ZP3: variants seen among roughly 807,000 people sequenced by gnomAD.
The protein encoded by ZP3 is zona pellucida sperm-binding protein 3.
Under a neutral mutation model 35.6 loss-of-function variants are expected in ZP3, and 21 were observed. That is an observed-to-expected ratio of 0.59 (90% confidence interval 0.42 to 0.85). The LOEUF is 0.85. Ranked by LOEUF, ZP3 falls within the 40% of genes least tolerant of loss-of-function variation. The probability of loss-of-function intolerance (pLI) is 0.00; values close to 1 mark genes in which losing one functional copy is unlikely to be tolerated. For synonymous variants in ZP3, 207 were observed against 214.5 expected, an observed-to-expected ratio of 0.96 and a Z score of 0.31; for missense variants, 437 against 536.5, an observed-to-expected ratio of 0.81 and a Z score of 1.83.
chr7:76,439,109 A>G (rs1638137), intron 5 of ZP3, among the ~76,000 whole-genome samples: 62,898 of 117,924 alleles, frequency 0.53, 13,905 homozygotes, highest in South Asian at 0.59. Context: ...ACTCCAGCCT[A>G]GGCAACAGCA....
chr7:76,433,541 C>T lies in ZP3; in HGVS notation c.607C>T (p.His203Tyr), dbSNP rs1290732491. 2 of 1,614,030 alleles carry T rather than the reference C, an allele frequency of 1.2e-6. No homozygotes were observed. The highest frequency in any genetic ancestry group is 1.7e-6 in the Non-Finnish European group (2 of 1,180,024). Residue 203 changes from histidine (H) to tyrosine (Y), a missense_variant, in exon 4 of 8, where the codon CAC becomes TAC. By Grantham distance (83) the His-to-Tyr change is moderately conservative. Coordinates refer to ENST00000394857, the MANE Select transcript of ZP3 (RefSeq NM_001110354.2). ...GDAAHLQAEI[H>Y]TGSHVPLRLF... ...TGCAGCCCACCTCCAGGCAGAAATC[C>T]ACACTGGCAGCCACGTGCCACTGCG... is the stretch of plus-strand genomic sequence containing the variant.
intron 4 of ZP3, 116 bp from the exon 5 acceptor site, chr7:76,433,922 C>T: frequency 4.5e-6 from 3 of 665,900 alleles, no homozygotes; most frequent in South Asian, 3.8e-5. Context: ...TAGTCTCGAA[C>T]TCCTGACCTC....
chr7:76,397,721 T>C, exon 1 of ZP3: 2 of 1,613,344 alleles, frequency 1.2e-6, no homozygotes. Flanking sequence ...CACAGCGGCA[T>C]CCGGCAGCCC....
At chr7:76,405,987 T>C (rs1584034528) in intron 1 of ZP3, among the ~76,000 whole-genome samples, 1 of 143,768 alleles carries the variant, frequency 7.0e-6, no homozygotes, top group South Asian at 2.3e-4. Flanking sequence ...TCCTTTCTTT[T>C]CTTTTCTTTT....
At chr7:76,426,447 T>TG (rs1353273881) in intron 1 of ZP3, among the ~76,000 whole-genome samples, 1 of 152,170 alleles carries the variant, frequency 6.6e-6, no homozygotes, top group Non-Finnish European at 1.5e-5. Flanking sequence ...TTGCCTGGGA[T>TG]GGGGGCAAGT....
chr7:76,432,618 A>G lies in ZP3; in HGVS notation c.432-309A>G, dbSNP rs1018995679. Among the ~76,000 whole-genome samples the G allele has an allele frequency of 7.9e-5, 12 of 152,198 alleles. No homozygotes were observed. The South Asian group carries it at 1.2e-3, about 16-fold the overall frequency. ...GGCATGAGCCACCGCACTCAGGTCCAGGGCTCAAGAGGGAGCAGATCTCAG... is the reference window on the plus strand; with the variant it reads ...GGCATGAGCCACCGCACTCAGGTCCGGGGCTCAAGAGGGAGCAGATCTCAG... On this transcript the variant is annotated intron_variant, in intron 2 of 7. Transcript: ENST00000394857.
At chr7:76,405,983 CTTTT>C (rs71690243) in intron 1 of ZP3, among the ~76,000 whole-genome samples, 4,200 of 149,224 alleles carry the variant, frequency 0.028, 124 homozygotes, top group East Asian at 0.14. Flanking sequence ...CCTTTCCTTT[CTTTT>C]CTTTTCTTTT....
At chr7:76,406,890 T>A (rs903218934) in intron 1 of ZP3, among the ~76,000 whole-genome samples, 2 of 152,112 alleles carry the variant, frequency 1.3e-5, no homozygotes, top group African/African-American at 2.4e-5. Context: ...TATTTGTGTG[T>A]CATGGTAACT....
chr7:76,400,487 C>T lies in ZP3; in HGVS notation c.-67+2690C>T, dbSNP rs775186548. 24 of 1,603,852 alleles carry T rather than the reference C, an allele frequency of 1.5e-5. 1 individual carries two copies. In the South Asian group the frequency reaches 2.0e-4, roughly 13 times the overall value. ...CCCAGCTGGCGACACACTACGTTGG[C>T]GTCCACCACGTCCCAGTCGTCATCA... On this transcript the variant is annotated intron_variant, in intron 1 of 8. Transcript: ENST00000336517.
chr7:76,408,540 G>GCCC (rs2115824891), intron 1 of ZP3, among the ~76,000 whole-genome samples: 1 of 152,248 alleles, frequency 6.6e-6, no homozygotes, highest in South Asian at 2.1e-4. Context: ...CCTGGGGACA[G>GCCC]GCAACTTCCA....
intron 1 of ZP3, among the ~76,000 whole-genome samples, chr7:76,414,613 A>G (rs939591164): frequency 6.7e-6 from 1 of 150,076 alleles, no homozygotes; most frequent in African/African-American, 2.5e-5. Flanking sequence ...CATTTAGGAC[A>G]GTTAGGAAAA....
intron 1 of ZP3, among the ~76,000 whole-genome samples, chr7:76,400,062 C>T (rs2115778626): frequency 6.6e-6 from 1 of 152,298 alleles, no homozygotes; most frequent in African/African-American, 2.4e-5. Flanking sequence ...TACATAGAAG[C>T]AGTAGTGCTG....
At chr7:76,435,579 T>C (rs1221982069) in intron 5 of ZP3, among the ~76,000 whole-genome samples, 1 of 152,272 alleles carries the variant, frequency 6.6e-6, no homozygotes, top group African/African-American at 2.4e-5. Context: ...CTGGAGAGGT[T>C]GTAAAAATAC....
chr7:76,400,188 A>G, intron 1 of ZP3: 1 of 1,311,374 alleles, frequency 7.6e-7, no homozygotes, highest in East Asian at 2.8e-5. Context: ...TCTGCATGGA[A>G]CAGCCTTACC....
intron 2 of ZP3, among the ~76,000 whole-genome samples, chr7:76,430,543 G>A (rs1360750206): frequency 6.6e-6 from 1 of 152,164 alleles, no homozygotes; most frequent in African/African-American, 2.4e-5. Context: ...GGACCAGCCT[G>A]GCCAACATGG....
chr7:76,428,269 C>T (rs1239181771), intron 1 of ZP3, among the ~76,000 whole-genome samples: 4 of 151,778 alleles, frequency 2.6e-5, no homozygotes, highest in Admixed American at 6.6e-5. Context: ...TGCAGTGAGC[C>T]GAGTTCGTGC....
intron 1 of ZP3, among the ~76,000 whole-genome samples, chr7:76,412,205 AAAG>A (rs1459516851): frequency 6.6e-6 from 1 of 151,494 alleles, no homozygotes; most frequent in Non-Finnish European, 1.5e-5. Context: ...AAAAAAAAGA[AAAG>A]AAAAAGATAA....
Position 76,429,578 on chromosome 7 carries a change from C to G in ZP3, c.376C>G (p.Leu126Val). The change falls in exon 2 of 8, where the codon CTG (leucine) becomes GTG (valine). Residue 126 changes from leucine to valine, a missense_variant. Leu to Val is a conservative substitution (Grantham distance 32). Transcript: ENST00000394857. Reference sequence around the variant, plus strand: ...CCATGACCCCCGCCCCGTGGGAAACCTGTCCATCGTGAGGACTAACCGCGC... The same window carrying G: ...CCATGACCCCCGCCCCGTGGGAAACGTGTCCATCGTGAGGACTAACCGCGC... The part of the protein sequence containing the change: ...LLHDPRPVGN[L>V]SIVRTNRAEI... The G allele has an allele frequency of 3.7e-6, 6 of 1,614,132 alleles. No individual in the cohort carries two copies. The highest frequency in any genetic ancestry group is 5.1e-6 in the Non-Finnish European group (6 of 1,179,988).
intron 1 of ZP3, among the ~76,000 whole-genome samples, chr7:76,426,082 CAAAA>C (rs368396750): frequency 8.2e-6 from 1 of 121,786 alleles, no homozygotes; most frequent in Non-Finnish European, 1.7e-5. Context: ...GACTCTGGCT[CAAAA>C]AAAAAAAAAA....
Sources: gnomAD v4.1 joint callset for allele counts (sites outside exome capture counted in the v4.1 genomes callset) on GRCh38, gnomAD v4.1.1 for gene constraint, MANE v1.5 for transcripts, NCBI Gene and HGNC (gene_info 2026-07-23, HGNC 2026-07-21) for gene names.